TMEM132D: variants seen among roughly 807,000 people sequenced by gnomAD.
The protein encoded by TMEM132D is mature OL transmembrane protein.
Under a neutral mutation model 62.3 loss-of-function variants are expected in TMEM132D, and 21 were observed. That is an observed-to-expected ratio of 0.34 (90% confidence interval 0.24 to 0.49). The LOEUF (loss-of-function observed/expected upper bound fraction) is 0.49, where lower values mean the gene tolerates loss of function less well. Among genes scored for constraint, TMEM132D ranks in the 20% least tolerant of loss-of-function variants. TMEM132D has a pLI of 0.99. For missense variants in TMEM132D, 1,346 were observed against 1,402.8 expected, an observed-to-expected ratio of 0.96 and a Z score of 0.65; for synonymous variants, 621 against 575.6, an observed-to-expected ratio of 1.08 and a Z score of -1.13.
At chr12:129,267,983 G>A (rs566013835) in intron 4 of TMEM132D, among the ~76,000 whole-genome samples, 1 of 152,330 alleles carries the variant, frequency 6.6e-6, no homozygotes, top group South Asian at 2.1e-4. Flanking sequence ...CTAGCCATAT[G>A]TAGAAAGCTG....
At chr12:129,434,323 G>A (rs1245775709) in intron 3 of TMEM132D, among the ~76,000 whole-genome samples, 1 of 152,178 alleles carries the variant, frequency 6.6e-6, no homozygotes, top group Non-Finnish European at 1.5e-5. Context: ...GAAATTTGGA[G>A]TCAGGTAGCT....
intron 3 of TMEM132D, among the ~76,000 whole-genome samples, chr12:129,469,242 G>T (rs984033488): frequency 6.6e-6 from 1 of 152,210 alleles, no homozygotes; most frequent in African/African-American, 2.4e-5. Context: ...ATCAAGAGAT[G>T]AAAAGTGTCT....
intron 5 of TMEM132D, among the ~76,000 whole-genome samples, chr12:129,164,202 C>A (rs1286492019): frequency 1.3e-5 from 2 of 152,234 alleles, no homozygotes; most frequent in Non-Finnish European, 2.9e-5. Flanking sequence ...TTCTGTGCCC[C>A]GCAGGAGTGC....
intron 3 of TMEM132D, among the ~76,000 whole-genome samples, chr12:129,377,985 C>T (rs1870832215): frequency 6.6e-6 from 1 of 152,226 alleles, no homozygotes; most frequent in African/African-American, 2.4e-5. Flanking sequence ...GGATCACCAT[C>T]TTCACAGAAA....
chr12:129,112,876 C>T (rs1875766789), intron 5 of TMEM132D, among the ~76,000 whole-genome samples: 1 of 152,090 alleles, frequency 6.6e-6, no homozygotes, highest in Admixed American at 6.5e-5. Context: ...CTAAGGAAGC[C>T]CTGAACCTCT....
chr12:129,263,835 C>T (rs1051116088), intron 4 of TMEM132D, among the ~76,000 whole-genome samples: 5 of 152,010 alleles, frequency 3.3e-5, no homozygotes, highest in Non-Finnish European at 5.9e-5. Flanking sequence ...AAGGAAGTGT[C>T]TGAATGTGAG....
intron 3 of TMEM132D, among the ~76,000 whole-genome samples, chr12:129,498,444 G>T (rs189898546): frequency 9.4e-4 from 143 of 152,202 alleles, no homozygotes; most frequent in African/African-American, 3.2e-3. Flanking sequence ...AGTAGACACA[G>T]GGTTTCATCA....
chr12:129,519,213 C>A (rs1362396790), intron 3 of TMEM132D, among the ~76,000 whole-genome samples: 2 of 152,114 alleles, frequency 1.3e-5, no homozygotes. Context: ...ATTTTTCCTA[C>A]CCTGGAACTG....
At chr12:129,075,557 C>T (rs1258773448) in intron 8 of TMEM132D, among the ~76,000 whole-genome samples, 1 of 151,458 alleles carries the variant, frequency 6.6e-6, no homozygotes, top group Non-Finnish European at 1.5e-5. Context: ...TAGATGAGGT[C>T]CCACTGCAGG....
intron 3 of TMEM132D, among the ~76,000 whole-genome samples, chr12:129,507,175 A>C (rs899423878): frequency 6.6e-6 from 1 of 152,112 alleles, no homozygotes; most frequent in Non-Finnish European, 1.5e-5. Flanking sequence ...TTACTCCTAC[A>C]ATAATGGCCA....
intron 5 of TMEM132D, among the ~76,000 whole-genome samples, chr12:129,197,838 G>C (rs928656258): frequency 6.6e-6 from 1 of 152,184 alleles, no homozygotes; most frequent in African/African-American, 2.4e-5. Context: ...ACGATTAACA[G>C]TGTGAAGATA....
rs1187790683 is a variant in TMEM132D, at chr12:129,358,969, TA to T, written c.1116-21153del. Reference sequence around the variant, plus strand: ...AGAAATTTCAAGCTTTTTTTTTTTTTAAATGTCCATTTTAACTTTATTCACA... The same window carrying T: ...AGAAATTTCAAGCTTTTTTTTTTTTTAATGTCCATTTTAACTTTATTCACA... On this transcript the variant is annotated intron_variant, in intron 3 of 8. Coordinates refer to ENST00000422113, the MANE Select transcript of TMEM132D (RefSeq NM_133448.3). Among the ~76,000 whole-genome samples the T allele has an allele frequency of 4.9e-5, 7 of 143,172 alleles. No homozygotes were observed. The East Asian group carries it at 1.0e-3, about 20-fold the overall frequency. 93.9% of individuals were successfully genotyped at this position (143,172 alleles called of 152,430 possible).
At chr12:129,117,805 T>A (rs1019551745) in intron 5 of TMEM132D, among the ~76,000 whole-genome samples, 4 of 152,234 alleles carry the variant, frequency 2.6e-5, no homozygotes, top group Admixed American at 2.0e-4. Context: ...TTTGTCATAT[T>A]TTACGAATGT....
intron 2 of TMEM132D, among the ~76,000 whole-genome samples, chr12:129,612,952 A>G (rs1878815823): frequency 6.6e-6 from 1 of 152,228 alleles, no homozygotes; most frequent in African/African-American, 2.4e-5. Context: ...ATGTCTAGAC[A>G]AAGTCTGTTT....
At chr12:129,204,133 T>C (rs1032510788) in intron 5 of TMEM132D, among the ~76,000 whole-genome samples, 4 of 152,224 alleles carry the variant, frequency 2.6e-5, no homozygotes, top group Non-Finnish European at 4.4e-5. Flanking sequence ...AGTGCCTTTT[T>C]TCTTCTAAAT....
At chr12:129,117,873 A>C (rs913432414) in intron 5 of TMEM132D, among the ~76,000 whole-genome samples, 1 of 152,170 alleles carries the variant, frequency 6.6e-6, no homozygotes, top group African/African-American at 2.4e-5. Flanking sequence ...TCCATTGTTA[A>C]TTACTATTTG....
intron 1 of TMEM132D, among the ~76,000 whole-genome samples, chr12:129,760,496 G>A (rs1362495018): frequency 2.0e-5 from 3 of 151,536 alleles, no homozygotes; most frequent in Non-Finnish European, 1.5e-5. Flanking sequence ...CACTACAGGC[G>A]CCCGCCTCCA....
intron 1 of TMEM132D, among the ~76,000 whole-genome samples, chr12:129,729,930 G>T (rs1354548906): frequency 1.3e-5 from 2 of 152,076 alleles, no homozygotes; most frequent in East Asian, 3.9e-4. Context: ...GATATTCCCT[G>T]CCCTTGTGAA....
At chr12:129,282,858 G>A (rs1881193330) in intron 4 of TMEM132D, among the ~76,000 whole-genome samples, 1 of 152,168 alleles carries the variant, frequency 6.6e-6, no homozygotes, top group South Asian at 2.1e-4. Context: ...ATGATTGCTG[G>A]ACTGGTGATG....
Sources: allele counts gnomAD v4.1 joint callset (sites outside exome capture counted in the v4.1 genomes callset), GRCh38; gene constraint gnomAD v4.1.1; transcripts MANE v1.5; gene names NCBI Gene and HGNC (gene_info 2026-07-23, HGNC 2026-07-21).